SPPL2A: variants seen among roughly 807,000 people sequenced by gnomAD.
SPPL2A encodes the protein signal peptide peptidase-like 2A.
Under a neutral mutation model 63.8 loss-of-function variants are expected in SPPL2A, and 51 were observed. The ratio of observed to expected loss-of-function variants is 0.80; its 90% CI spans 0.64 to 1.01. SPPL2A has a LOEUF of 1.01. Among genes scored for constraint, SPPL2A ranks in the 50% least tolerant of loss-of-function variants. SPPL2A has a pLI of 0.00. For missense variants in SPPL2A, 553 were observed against 622.7 expected (o/e 0.89, Z 1.19); for synonymous variants, 188 against 205.8 (o/e 0.91, Z 0.74).
chr15:50,743,638 C>G (rs1461117809), intron 5 of SPPL2A, among the ~76,000 whole-genome samples: 2 of 152,134 alleles, frequency 1.3e-5, no homozygotes, highest in East Asian at 2.0e-4. Context: ...TGAGCCACCA[C>G]GCCTGGCCTG....
At chr15:50,756,566 T>C (rs1209865186) in intron 1 of SPPL2A, among the ~76,000 whole-genome samples, 2 of 151,828 alleles carry the variant, frequency 1.3e-5, no homozygotes, top group African/African-American at 4.8e-5. Context: ...TTAAAAAAAA[T>C]TCTTTTAGTA....
At position 50,750,433 on chromosome 15, in the gene SPPL2A, C is replaced by T. The variant is rs76335151; in HGVS notation, c.67-687G>A. Reference sequence around the variant, plus strand: ...ACTCAAAATCCATCAATCTGTCTTACGTTCCATATTCTACTAGGAACTAGG... The same window carrying T: ...ACTCAAAATCCATCAATCTGTCTTATGTTCCATATTCTACTAGGAACTAGG... On this transcript the variant is annotated intron_variant, in intron 1 of 14. Coordinates refer to ENST00000261854, the MANE Select transcript of SPPL2A (RefSeq NM_032802.4). 9.3e-3 allele frequency among the ~76,000 whole-genome samples: 1,423 copies of T among 152,208 alleles called. 9 individuals carry two copies. Among genetic ancestry groups the T allele is most frequent in the East Asian group, 0.021 (109 of 5,186 alleles).
At chr15:50,715,629 A>T (rs2062594203) in intron 14 of SPPL2A, among the ~76,000 whole-genome samples, 1 of 152,182 alleles carries the variant, frequency 6.6e-6, no homozygotes, top group African/African-American at 2.4e-5. Flanking sequence ...GAATGGTTAG[A>T]AAAAGGACTC....
intron 14 of SPPL2A, among the ~76,000 whole-genome samples, chr15:50,712,968 G>A (rs762758512): frequency 5.7e-4 from 86 of 152,068 alleles, no homozygotes; most frequent in Admixed American, 6.6e-4. Context: ...ACAGGCATGA[G>A]CCATCATGTC....
intron 9 of SPPL2A, among the ~76,000 whole-genome samples, chr15:50,732,003 C>T (rs554662664): frequency 6.6e-6 from 1 of 150,818 alleles, no homozygotes; most frequent in Admixed American, 6.6e-5. Flanking sequence ...CCTGTAATCC[C>T]AGCACTTTGG....
rs749393833 is a variant in SPPL2A, at chr15:50,750,653, A to G, written c.67-907T>C. Among the ~76,000 whole-genome samples, 12 of 152,236 alleles carry G rather than the reference A, an allele frequency of 7.9e-5. 1 individual carries two copies. The East Asian group carries it at 2.1e-3, about 27-fold the overall frequency. On this transcript the variant is annotated intron_variant, in intron 1 of 14. Transcript: ENST00000261854. ...TCCCACTACCTGGAAAGAAAAGCCA[A>G]GAGGTAAGAAGTGATTGGAAAGAAT... is the stretch of plus-strand genomic sequence containing the variant.
chr15:50,712,279 T>C (rs535396125), intron 14 of SPPL2A, among the ~76,000 whole-genome samples: 3 of 152,328 alleles, frequency 2.0e-5, no homozygotes, highest in East Asian at 1.9e-4. Flanking sequence ...AAATGTGATT[T>C]TAATTGGAGC....
intron 13 of SPPL2A, among the ~76,000 whole-genome samples, chr15:50,721,300 C>A (rs2062644474): frequency 6.6e-6 from 1 of 152,206 alleles, no homozygotes. Flanking sequence ...TCCCAAAGTG[C>A]TGGGATTACA....
At chr15:50,739,170 CTTTT>C (rs71127136) in intron 6 of SPPL2A, among the ~76,000 whole-genome samples, 2 of 106,936 alleles carry the variant, frequency 1.9e-5, no homozygotes, top group Admixed American at 1.0e-4. Context: ...ACATAACGTA[CTTTT>C]TTTTTTTTTT....
At chr15:50,727,322 G>T (rs999488594) in intron 10 of SPPL2A, among the ~76,000 whole-genome samples, 1 of 152,140 alleles carries the variant, frequency 6.6e-6, no homozygotes, top group Non-Finnish European at 1.5e-5. Flanking sequence ...CCTGAGCTGA[G>T]CAGAAAGGAG....
chr15:50,764,469 T>C (rs1249615967), intron 1 of SPPL2A: 3 of 152,198 alleles, frequency 2.0e-5, no homozygotes, highest in Admixed American at 6.6e-5. Context: ...GGTTTTTCAA[T>C]AAATATTAAA....
At chr15:50,720,517 C>CTTTTTTT (rs750969318) in intron 13 of SPPL2A, among the ~76,000 whole-genome samples, 6 of 105,578 alleles carry the variant, frequency 5.7e-5, no homozygotes, top group Non-Finnish European at 1.2e-4. Flanking sequence ...TTGAACTTTT[C>CTTTTTTT]TTTTTTTTTT....
At chr15:50,762,037 A>C (rs1159739461) in intron 1 of SPPL2A, among the ~76,000 whole-genome samples, 1 of 152,136 alleles carries the variant, frequency 6.6e-6, no homozygotes, top group Non-Finnish European at 1.5e-5. Context: ...ATTGTGACCC[A>C]GGGTCGAGGT....
Position 50,763,853 on chromosome 15 carries a change from G to A in SPPL2A, c.66+1615C>T, listed in dbSNP as rs377232684. Among the ~76,000 whole-genome samples, 16 of 152,202 alleles carry A rather than the reference G, an allele frequency of 1.1e-4. No homozygotes were observed. In the East Asian group the frequency reaches 1.7e-3, roughly 17 times the overall value. On this transcript the variant is annotated intron_variant, in intron 1 of 14. Coordinates refer to ENST00000261854, the MANE Select transcript of SPPL2A (RefSeq NM_032802.4). ...GCGGAGGTTGCAGTGAGCCGAGATC[G>A]CGCCACTGCACTCCAGCCTGGGCGA...
chr15:50,758,483 C>T (rs754445752), intron 1 of SPPL2A, among the ~76,000 whole-genome samples: 7 of 151,206 alleles, frequency 4.6e-5, no homozygotes, highest in Non-Finnish European at 8.9e-5. Context: ...GAGCAGGTGC[C>T]CCCCTGGCCC....
At chr15:50,752,475 C>T (rs1451829530) in intron 1 of SPPL2A, among the ~76,000 whole-genome samples, 3 of 151,704 alleles carry the variant, frequency 2.0e-5, no homozygotes, top group African/African-American at 7.3e-5. Flanking sequence ...TCCAGCACCT[C>T]GGGAGGCCGA....
In SPPL2A at chr15:50,724,483, CAGG is replaced by C. The variant is rs562415462; in HGVS notation, c.1249+735_1249+737del. 7.9e-4 allele frequency among the ~76,000 whole-genome samples: 120 copies of C among 151,670 alleles called. 1 individual carries two copies. Among genetic ancestry groups the C allele is most frequent in the Non-Finnish European group, 4.1e-4 (28 of 67,964 alleles). ...GTCCCAGTTACTCAGGAGGCTGAGGCAGGAGAATGGCGTGAACCTGGGAAGCGG... is the reference window on the plus strand; with the variant it reads ...GTCCCAGTTACTCAGGAGGCTGAGGCAGAATGGCGTGAACCTGGGAAGCGG... On this transcript the variant is annotated intron_variant, in intron 12 of 14. Coordinates refer to ENST00000261854, the MANE Select transcript of SPPL2A (RefSeq NM_032802.4).
chr15:50,738,521 C>A (rs1465348637), intron 6 of SPPL2A, among the ~76,000 whole-genome samples: 2 of 151,512 alleles, frequency 1.3e-5, no homozygotes, highest in Non-Finnish European at 2.9e-5. Flanking sequence ...TGCACTCCAG[C>A]CTGGGCGACA....
chr15:50,717,319 C>T (rs1467329063), intron 14 of SPPL2A, among the ~76,000 whole-genome samples: 3 of 152,028 alleles, frequency 2.0e-5, no homozygotes, highest in Non-Finnish European at 4.4e-5. Flanking sequence ...GGACCAAAGG[C>T]ATGTGCCACC....
Sources: gnomAD v4.1 joint callset for allele counts (sites outside exome capture counted in the v4.1 genomes callset) on GRCh38, gnomAD v4.1.1 for gene constraint, MANE v1.5 for transcripts, NCBI Gene and HGNC (gene_info 2026-07-23, HGNC 2026-07-21) for gene names.